Variants in DNAH6 observed in about 807,000 individuals in gnomAD.
The protein encoded by DNAH6 is dynein axonemal heavy chain 6.
DNAH6 carries 340 observed loss-of-function variants against 491.4 expected under a neutral mutation model. The observed-to-expected ratio is 0.69, with a 90% CI of 0.63 to 0.76. DNAH6 has a LOEUF of 0.76. Ranked by LOEUF, DNAH6 falls within the 30% of genes least tolerant of loss-of-function variation. The pLI is 0.00. For synonymous variants in DNAH6, 1,603 were observed against 1,686.1 expected (o/e 0.95, Z 1.21); for missense variants, 4,443 against 4,972.2 (o/e 0.89, Z 3.20).
chr2:84,714,991 T>C (rs1423684341), intron 57 of DNAH6, among the ~76,000 whole-genome samples: 1 of 151,992 alleles, frequency 6.6e-6, no homozygotes, highest in Non-Finnish European at 1.5e-5. Flanking sequence ...TGTCAGAATA[T>C]ATTATAGTAA....
intron 66 of DNAH6, 110 bp from the exon 67 acceptor site, chr2:84,785,500 A>G: frequency 9.8e-6 from 11 of 1,121,220 alleles, no homozygotes; most frequent in Non-Finnish European, 1.2e-5. Context: ...CTCCCCATGA[A>G]CATCAGCAAT....
At chr2:84,643,164 G>T (rs577057431) in intron 33 of DNAH6, among the ~76,000 whole-genome samples, 3 of 152,042 alleles carry the variant, frequency 2.0e-5, no homozygotes, top group African/African-American at 7.2e-5. Flanking sequence ...TAGGTTGGTG[G>T]GGTTTTCCTC....
At chr2:84,666,778 C>T (rs1395453322) in intron 37 of DNAH6, among the ~76,000 whole-genome samples, 1 of 152,128 alleles carries the variant, frequency 6.6e-6, no homozygotes, top group Admixed American at 6.5e-5. Context: ...CAAAAAAGAG[C>T]CCACATTGCC....
At chr2:84,483,546 G>GCT in the DNAH6 span, among the ~76,000 whole-genome samples, 9 of 152,024 alleles carry the variant, frequency 5.9e-5, no homozygotes, top group Admixed American at 5.2e-4. Context: ...TGGGTTATGT[G>GCT]CTCTCTCTCT....
chr2:84,524,043 G>C (rs1216892026), intron 2 of DNAH6, among the ~76,000 whole-genome samples: 4 of 152,016 alleles, frequency 2.6e-5, no homozygotes, highest in Non-Finnish European at 4.4e-5. Context: ...ACTGTCAATG[G>C]AGTGTTGAAG....
At chr2:84,480,592 TGTAGACCATTA>T in the DNAH6 span, among the ~76,000 whole-genome samples, 2 of 152,194 alleles carry the variant, frequency 1.3e-5, no homozygotes, top group Non-Finnish European at 2.9e-5. Context: ...ACTCAACAGA[TGTAGACCATTA>T]TTTTCTTAGG....
chr2:84,632,165 G>A (rs375263615), intron 29 of DNAH6, among the ~76,000 whole-genome samples: 17 of 152,164 alleles, frequency 1.1e-4, no homozygotes, highest in East Asian at 9.6e-4. Context: ...GCATTCCTGC[G>A]TTCATGATCA....
intron 56 of DNAH6, among the ~76,000 whole-genome samples, chr2:84,710,851 TAA>T (rs34105401): frequency 1.0e-4 from 15 of 144,858 alleles, no homozygotes; most frequent in Admixed American, 1.4e-4. Context: ...TAACTTTTGT[TAA>T]AAAAAAAAAA....
At chr2:84,746,718 A>G (rs1019333946) in intron 63 of DNAH6, among the ~76,000 whole-genome samples, 2 of 152,128 alleles carry the variant, frequency 1.3e-5, no homozygotes, top group African/African-American at 4.8e-5. Flanking sequence ...TTGCATTGCT[A>G]TAAAGGAATG....
At chr2:84,705,796 C>T in intron 52 of DNAH6, 49 bp downstream of exon 52, 2 of 1,502,550 alleles carry the variant, frequency 1.3e-6, no homozygotes, top group Non-Finnish European at 8.9e-7. Flanking sequence ...GCCATGATCG[C>T]CAGTCATTTC....
chr2:84,708,905 T>C (rs1172826332), intron 54 of DNAH6, among the ~76,000 whole-genome samples: 1 of 152,208 alleles, frequency 6.6e-6, no homozygotes, highest in Non-Finnish European at 1.5e-5. Flanking sequence ...CTCTCTCTTC[T>C]GCATGACTGC....
rs1482813452 is a variant in DNAH6, at chr2:84,796,313, T to C, written c.11247T>C (p.Ile3749=). 21 of 1,474,872 alleles carry C rather than the reference T, an allele frequency of 1.4e-5. No homozygotes were observed. The East Asian group carries it at 4.8e-4, about 34-fold the overall frequency. The allele number at this position is 1,474,872 out of a possible 1,614,324, so 91.4% of individuals were successfully genotyped here. A position where few individuals can be genotyped will look rare whatever the true frequency, so the allele number is the denominator to read the frequency against. ...WDALIYITGE[I]TYGGRVTDSW... is the part of the protein sequence containing the mutation. ...ATACAAATTTCTTTTCAGGTGAAAT[T>C]ACTTATGGTGGTAGAGTCACAGACA... The change falls in exon 69 of 77, where the codon ATT becomes ATC. Residue 3749 remains isoleucine, a synonymous_variant. Coordinates refer to ENST00000389394, the MANE Select transcript of DNAH6 (RefSeq NM_001370.2).
chr2:84,705,534 A>G lies in DNAH6; in HGVS notation c.8514A>G (p.Leu2838=), dbSNP rs1450294247. The G allele has an allele frequency of 1.3e-6, 2 of 1,550,934 alleles. No homozygotes were observed. The highest frequency in any genetic ancestry group is 1.7e-6 in the Non-Finnish European group (2 of 1,146,736). ...AACTTCTTGGTGACTCTAACTTTCT[A>G]AAAAGGCTTTTAGAATATGATAAGG... ...AKQLLGDSNF[L]KRLLEYDKEN... The change falls in exon 52 of 77, where the codon CTA becomes CTG. Residue 2838 remains leucine (L), a synonymous_variant. Transcript: ENST00000389394.
chr2:84,675,491 C>G (rs372029452), intron 40 of DNAH6, among the ~76,000 whole-genome samples: 88 of 152,224 alleles, frequency 5.8e-4, no homozygotes, highest in African/African-American at 2.0e-3. Flanking sequence ...TCCTTCACCC[C>G]TATGGCCTTG....
rs573706713 is a variant in DNAH6, at chr2:84,702,636, A to G, written c.8062-759A>G. On this transcript the variant is annotated intron_variant, in intron 49 of 76. Coordinates refer to ENST00000389394, the MANE Select transcript of DNAH6 (RefSeq NM_001370.2). ...CGGCTCACTGCAACCTCCGCCTCCC[A>G]GGTTCGTGCCATTCTCCTGCCTCAG... Among the ~76,000 whole-genome samples the G allele has an allele frequency of 3.5e-5, 5 of 143,490 alleles. No individual in the cohort carries two copies. The East Asian group carries it at 1.0e-3, about 30-fold the overall frequency. 94.1% of individuals were successfully genotyped at this position (143,490 alleles called of 152,430 possible).
chr2:84,812,220 G>A (rs1173470440), intron 72 of DNAH6, 121 bp from the exon 73 acceptor site: 2 of 774,474 alleles, frequency 2.6e-6, no homozygotes, highest in East Asian at 2.7e-5. Context: ...AGTGTGCAAA[G>A]AGGATAGAAC....
chr2:84,764,008 T>C (rs1042078043), intron 64 of DNAH6, among the ~76,000 whole-genome samples: 50 of 152,304 alleles, frequency 3.3e-4, no homozygotes, highest in African/African-American at 1.2e-3. Flanking sequence ...AGCCTTTTTA[T>C]TATATTCAGG....
At chr2:84,615,274 C>A (rs1164812494) in intron 22 of DNAH6, among the ~76,000 whole-genome samples, 1 of 152,076 alleles carries the variant, frequency 6.6e-6, no homozygotes, top group East Asian at 1.9e-4. Context: ...ATCCCAGCAC[C>A]ATTTGTTGAA....
intron 31 of DNAH6, among the ~76,000 whole-genome samples, chr2:84,639,866 T>C (rs1689224839): frequency 6.6e-6 from 1 of 152,166 alleles, no homozygotes; most frequent in South Asian, 2.1e-4. Context: ...TTCAGGCAGA[T>C]TATAAATAGA....
Sources: allele counts gnomAD v4.1 joint callset (sites outside exome capture counted in the v4.1 genomes callset), GRCh38; gene constraint gnomAD v4.1.1; transcripts MANE v1.5; gene names NCBI Gene and HGNC (gene_info 2026-07-23, HGNC 2026-07-21).